Variants in ZCCHC2 observed in about 807,000 individuals in gnomAD.
ZCCHC2 encodes zinc finger CCHC-type containing 2, also known as zinc finger CCHC domain-containing protein 2.
A neutral mutation model predicts 103.6 loss-of-function variants in ZCCHC2; 39 were observed. The ratio of observed to expected loss-of-function variants is 0.38; its 90% CI spans 0.29 to 0.49. The LOEUF is 0.49. Ranked by LOEUF, ZCCHC2 falls within the 20% of genes least tolerant of loss-of-function variation. The pLI is 0.96. For synonymous variants in ZCCHC2, 687 were observed against 608.9 expected (o/e 1.13, Z -1.89); for missense variants, 1,483 against 1,491.0 (o/e 0.99, Z 0.09).
chr18:62,583,776 CGTA>C (rs1917095727), intron 14 of ZCCHC2, among the ~76,000 whole-genome samples: 2 of 152,004 alleles, frequency 1.3e-5, no homozygotes, highest in Admixed American at 1.3e-4. Context: ...TGCCTGGAAA[CGTA>C]GTCACGACAT....
chr18:62,552,830 C>A (rs1452786627), intron 5 of ZCCHC2, among the ~76,000 whole-genome samples: 2 of 150,432 alleles, frequency 1.3e-5, no homozygotes, highest in African/African-American at 4.9e-5. Context: ...CTTGAGGCCG[C>A]AGTGAGCTAT....
rs1158784268 is a variant in ZCCHC2 at position 62,524,179 on chromosome 18, G to T, written c.755G>T (p.Gly252Val). The change falls in exon 1 of 14, where the codon GGC becomes GTC. Residue 252 changes from glycine (G) to valine (V), a missense_variant. Gly to Val is a moderately radical substitution (Grantham distance 109, BLOSUM62 -3). Around this residue, in one of 3 missense-constraint regions of ZCCHC2, gnomAD observed 568 missense variants for 525.1 expected, o/e 1.08. Transcript: ENST00000269499. ...GAGCCCCGGGTCGGCGGCGGGCTTG[G>T]CTCCAGGGCCCAGGAGGAACTGCTG... Reference protein sequence around the residue: ...IVEPRVGGGLGSRAQEELLLL... With the variant: ...IVEPRVGGGLVSRAQEELLLL... 6.5e-6 allele frequency: 10 copies of T among 1,547,820 alleles called. No individual in the cohort carries two copies. The Admixed American group carries it at 1.8e-4, about 27-fold the overall frequency.
chr18:62,539,721 G>A lies in ZCCHC2; in HGVS notation c.980G>A (p.Ser327Asn). ...GGTGATTACATGCAAAATAACGAGA[G>A]CAGCTTAATAGAGCAAGCTCCAATA... ...AHGDYMQNNE[S>N]SLIEQAPIPQ... Residue 327 changes from serine to asparagine, a missense_variant, in exon 2 of 14, where the codon AGC becomes AAC. Physicochemically the swap from Ser to Asn is conservative, Grantham distance 46. Transcript: ENST00000269499. 6 of 1,605,058 alleles carry A rather than the reference G, an allele frequency of 3.7e-6. No homozygotes were observed. Among genetic ancestry groups the A allele is most frequent in the South Asian group, 1.1e-5 (1 of 88,984 alleles).
At chr18:62,529,222 A>G (rs760511605) in intron 1 of ZCCHC2, among the ~76,000 whole-genome samples, 2 of 152,088 alleles carry the variant, frequency 1.3e-5, no homozygotes, top group Non-Finnish European at 2.9e-5. Flanking sequence ...CTCACTGGTA[A>G]TATTAATAAA....
intron 9 of ZCCHC2, among the ~76,000 whole-genome samples, chr18:62,564,321 A>T (rs929044416): frequency 1.3e-5 from 2 of 152,206 alleles, no homozygotes; most frequent in Non-Finnish European, 2.9e-5. Context: ...TTATAGTCAG[A>T]AAAAAGAATG....
chr18:62,563,205 A>C, intron 9 of ZCCHC2, 61 bp downstream of exon 9: 11 of 1,552,646 alleles, frequency 7.1e-6, no homozygotes, highest in Non-Finnish European at 9.6e-6. Context: ...ATAAGAAAAA[A>C]ATTAAGTTCT....
chr18:62,535,597 T>C (rs1032040866), intron 1 of ZCCHC2, among the ~76,000 whole-genome samples: 2 of 152,146 alleles, frequency 1.3e-5, no homozygotes, highest in African/African-American at 4.8e-5. Flanking sequence ...ACGTGGTCCA[T>C]CAAGTGCGGC....
At chr18:62,536,880 A>G (rs1423569406) in intron 1 of ZCCHC2, among the ~76,000 whole-genome samples, 1 of 152,246 alleles carries the variant, frequency 6.6e-6, no homozygotes, top group Admixed American at 6.5e-5. Flanking sequence ...AGTTAACTTC[A>G]GACTTCAAAA....
chr18:62,529,937 A>C (rs1278153568), intron 1 of ZCCHC2, among the ~76,000 whole-genome samples: 2 of 152,360 alleles, frequency 1.3e-5, no homozygotes, highest in East Asian at 3.9e-4. Context: ...AAAACAATAC[A>C]GTATAACAGC....
exon 15 of ZCCHC2, chr18:62,586,408 C>T (rs1202138747): frequency 4.0e-5 from 6 of 151,696 alleles, no homozygotes; most frequent in African/African-American, 1.5e-4. Context: ...CTGTCCCTGG[C>T]CTTAGGGAGC....
chr18:62,568,385 G>C (rs1916459720), intron 11 of ZCCHC2, among the ~76,000 whole-genome samples: 1 of 152,110 alleles, frequency 6.6e-6, no homozygotes, highest in Non-Finnish European at 1.5e-5. Flanking sequence ...ATCTCTAGAG[G>C]ATCACATAAT....
At chr18:62,528,456 G>A (rs1033691075) in intron 1 of ZCCHC2, among the ~76,000 whole-genome samples, 1 of 152,102 alleles carries the variant, frequency 6.6e-6, no homozygotes, top group South Asian at 2.1e-4. Flanking sequence ...AAAGTTAGCC[G>A]GGCATGGTGG....
chr18:62,575,622 G>T, intron 13 of ZCCHC2, 72 bp downstream of exon 13: 1 of 1,506,164 alleles, frequency 6.6e-7, no homozygotes, highest in Non-Finnish European at 9.0e-7. Context: ...TATTGATCAT[G>T]GGATTCTGTT....
intron 9 of ZCCHC2, 27 bp downstream of exon 9, chr18:62,563,171 ATATAGT>A: frequency 6.3e-7 from 1 of 1,599,050 alleles, no homozygotes; most frequent in Non-Finnish European, 8.6e-7. Context: ...TTTTGGAGCT[ATATAGT>A]TAAAGCATTG....
At chr18:62,541,729 T>C (rs1480720773) in intron 2 of ZCCHC2, among the ~76,000 whole-genome samples, 1 of 152,234 alleles carries the variant, frequency 6.6e-6, no homozygotes, top group Non-Finnish European at 1.5e-5. Flanking sequence ...GCTTTGTAGA[T>C]TGGCTCTTTT....
intron 4 of ZCCHC2, among the ~76,000 whole-genome samples, chr18:62,549,813 T>A (rs887547107): frequency 6.6e-6 from 1 of 152,330 alleles, no homozygotes; most frequent in African/African-American, 2.4e-5. Context: ...TAAGTAATAT[T>A]GAGGGTTTCT....
intron 6 of ZCCHC2, among the ~76,000 whole-genome samples, chr18:62,558,107 A>T (rs1329849187): frequency 6.6e-6 from 1 of 152,140 alleles, no homozygotes; most frequent in Non-Finnish European, 1.5e-5. Context: ...GCTGAAAAAA[A>T]ATAATGCTAA....
Position 62,576,909 on chromosome 18 carries a change from G to A in ZCCHC2, c.*330G>A, listed in dbSNP as rs1212321642. 1 of 167,772 alleles carries A rather than the reference G, an allele frequency of 6.0e-6. No homozygotes were observed. 10.4% of individuals were successfully genotyped at this position (167,772 alleles called of 1,614,324 possible). On this transcript the variant is annotated 3_prime_UTR_variant, in exon 14 of 14. Transcript: ENST00000269499. ...ATGTTTACTGAATCTTTAAAACTGT[G>A]TATTTGACCTTTTTTTTACAACACT...
chr18:62,578,378 G>A lies in ZCCHC2; in HGVS notation c.*1799G>A, dbSNP rs1307479366. 1 of 152,548 alleles carries A rather than the reference G, an allele frequency of 6.6e-6. No individual in the cohort carries two copies. Among genetic ancestry groups the A allele is most frequent in the Non-Finnish European group, 1.5e-5 (1 of 68,028 alleles). The allele number at this position is 152,548 out of a possible 1,614,324, so 9.4% of individuals were successfully genotyped here. A position where few individuals can be genotyped will look rare whatever the true frequency, so the allele number is the denominator to read the frequency against. The stretch of plus-strand genomic sequence containing the variant: ...CCGCGTTGTGAATCACTTGCCAGTT[G>A]TACTTTATGGAGCTTATTTTATGAT... On this transcript the variant is annotated 3_prime_UTR_variant, in exon 14 of 14. Transcript: ENST00000269499.
Sources: gnomAD v4.1 joint callset for allele counts (sites outside exome capture counted in the v4.1 genomes callset) on GRCh38, gnomAD v4.1.1 for gene constraint, gnomAD v4.1.1 regional missense constraint, MANE v1.5 for transcripts, NCBI Gene and HGNC (gene_info 2026-07-23, HGNC 2026-07-21) for gene names.